EML1: variants seen among roughly 807,000 people sequenced by gnomAD.
The protein encoded by EML1 is echinoderm microtubule-associated protein-like 1.
EML1 carries 27 observed loss-of-function variants against 110.4 expected under a neutral mutation model. The observed-to-expected ratio is 0.24, with a 90% confidence interval of 0.18 to 0.34. EML1 has a LOEUF of 0.34. Among genes scored for constraint, EML1 ranks in the 10% least tolerant of loss-of-function variants. The pLI is 1.00. For synonymous variants in EML1, 344 were observed against 385.8 expected (o/e 0.89, Z 1.27); for missense variants, 741 against 1,030.9 (o/e 0.72, Z 3.85).
At chr14:99,838,593 C>T (rs190698704) in intron 1 of EML1, among the ~76,000 whole-genome samples, 77 of 151,914 alleles carry the variant, frequency 5.1e-4, no homozygotes, top group Admixed American at 1.4e-3. Flanking sequence ...TTGGCAACCT[C>T]GTGTGCCTTG....
At chr14:99,932,769 C>T (rs1270403600) in intron 17 of EML1, among the ~76,000 whole-genome samples, 2 of 151,846 alleles carry the variant, frequency 1.3e-5, no homozygotes, top group Non-Finnish European at 2.9e-5. Context: ...GATGTTGTAA[C>T]ATGACTTTTT....
intron 1 of EML1, among the ~76,000 whole-genome samples, chr14:99,813,163 C>T (rs888827081): frequency 9.2e-5 from 14 of 152,036 alleles, no homozygotes; most frequent in East Asian, 5.8e-4. Context: ...CAGTTTTGTA[C>T]GCTTTGAAAT....
chr14:99,922,056 C>T (rs2060139697), intron 17 of EML1, among the ~76,000 whole-genome samples: 1 of 152,166 alleles, frequency 6.6e-6, no homozygotes, highest in African/African-American at 2.4e-5. Context: ...GAGATTAATC[C>T]ATGTTACTGT....
chr14:99,835,755 T>G (rs978598770), intron 1 of EML1, among the ~76,000 whole-genome samples: 1 of 152,254 alleles, frequency 6.6e-6, no homozygotes, highest in African/African-American at 2.4e-5. Flanking sequence ...TTATTTTGCA[T>G]GTGGACATTC....
chr14:99,831,019 C>T (rs1053914266), intron 1 of EML1, among the ~76,000 whole-genome samples: 3 of 152,224 alleles, frequency 2.0e-5, no homozygotes, highest in African/African-American at 7.2e-5. Context: ...TGTCCTGTGT[C>T]ATCTAAGGGC....
At chr14:99,768,382 C>T (rs1245698994), upstream of EML1, among the ~76,000 whole-genome samples, 3 of 152,114 alleles carry the variant, frequency 2.0e-5, no homozygotes, top group Admixed American at 6.5e-5. Flanking sequence ...GTGGTGACGT[C>T]TGTGGCAGGA....
chr14:99,904,930 C>T (rs2059819082), intron 9 of EML1, among the ~76,000 whole-genome samples: 1 of 152,170 alleles, frequency 6.6e-6, no homozygotes, highest in Non-Finnish European at 1.5e-5. Context: ...TAACACAAAG[C>T]ACAACAGATT....
Position 99,878,639 on chromosome 14 carries a change from C to T in EML1, c.518+20C>T. 1 of 1,608,934 alleles carries T rather than the reference C, an allele frequency of 6.2e-7. No homozygotes were observed. Among genetic ancestry groups the T allele is most frequent in the Non-Finnish European group, 8.5e-7 (1 of 1,177,608 alleles). On this transcript the variant is annotated intron_variant, in intron 4 of 21. Coordinates refer to ENST00000262233, the MANE Select transcript of EML1 (RefSeq NM_004434.3). The stretch of plus-strand genomic sequence containing the variant: ...TGAAAGGTAAGGACGTCTTATCTCT[C>T]AGTTCCTGCTGTTCAGATATGTTAG...
intron 10 of EML1, 64 bp downstream of exon 10, chr14:99,907,797 G>A: frequency 1.3e-6 from 2 of 1,518,926 alleles, no homozygotes; most frequent in East Asian, 4.5e-5. Context: ...CCCTGGCATA[G>A]TGGTAGCCCC....
intron 17 of EML1, among the ~76,000 whole-genome samples, chr14:99,924,197 G>A (rs1434961805): frequency 6.6e-6 from 1 of 151,992 alleles, no homozygotes; most frequent in Non-Finnish European, 1.5e-5. Context: ...TTATGCCATT[G>A]TGAATGGAAT....
chr14:99,884,986 T>A (rs1006750285), intron 4 of EML1, among the ~76,000 whole-genome samples: 2 of 152,358 alleles, frequency 1.3e-5, no homozygotes, highest in Admixed American at 1.3e-4. Context: ...GTGTCGTAAC[T>A]GCCTGTTAAC....
chr14:99,897,719 T>C (rs1418247915), intron 7 of EML1, among the ~76,000 whole-genome samples: 1 of 152,236 alleles, frequency 6.6e-6, no homozygotes, highest in African/African-American at 2.4e-5. Flanking sequence ...CTTTATTTTT[T>C]GATAAACATA....
At chr14:99,854,717 T>C (rs1243909410) in intron 2 of EML1, among the ~76,000 whole-genome samples, 1 of 152,222 alleles carries the variant, frequency 6.6e-6, no homozygotes, top group Non-Finnish European at 1.5e-5. Context: ...TGGTTCATGT[T>C]GGATTTACTC....
chr14:99,805,216 G>A (rs2057950101), intron 1 of EML1, among the ~76,000 whole-genome samples: 1 of 152,200 alleles, frequency 6.6e-6, no homozygotes, highest in Non-Finnish European at 1.5e-5. Context: ...AGGACCTGTA[G>A]GATGTCATTC....
intron 1 of EML1, among the ~76,000 whole-genome samples, chr14:99,758,903 T>C (rs562168754): frequency 6.6e-6 from 1 of 152,276 alleles, no homozygotes; most frequent in East Asian, 1.9e-4. Flanking sequence ...GCAAAGAAAT[T>C]GGAGTTTACT....
chr14:99,859,879 G>A (rs2058971707), intron 2 of EML1, among the ~76,000 whole-genome samples: 1 of 152,206 alleles, frequency 6.6e-6, no homozygotes, highest in Admixed American at 6.5e-5. Context: ...GCATTTTATT[G>A]TCGGGATGTA....
intron 1 of EML1, among the ~76,000 whole-genome samples, chr14:99,783,631 T>G (rs961573290): frequency 5.3e-5 from 8 of 151,906 alleles, no homozygotes; most frequent in Admixed American, 3.9e-4. Flanking sequence ...ACAACAGGTG[T>G]GGGCCTCCAT....
At chr14:99,859,757 C>T (rs1158444077) in intron 2 of EML1, among the ~76,000 whole-genome samples, 1 of 152,198 alleles carries the variant, frequency 6.6e-6, no homozygotes, top group Non-Finnish European at 1.5e-5. Context: ...GGATATGCAG[C>T]CCATGGGTTC....
intron 1 of EML1, 127 bp downstream of exon 1, chr14:99,793,670 G>A: frequency 3.0e-6 from 2 of 659,150 alleles, no homozygotes; most frequent in Non-Finnish European, 3.7e-6. Flanking sequence ...CAAAGTTGTT[G>A]CGGAGGGGCG....
Sources: gnomAD v4.1 joint callset for allele counts (sites outside exome capture counted in the v4.1 genomes callset) on GRCh38, gnomAD v4.1.1 for gene constraint, MANE v1.5 for transcripts, NCBI Gene and HGNC (gene_info 2026-07-23, HGNC 2026-07-21) for gene names.